VTCN1: variants seen among roughly 807,000 people sequenced by gnomAD.
VTCN1 encodes the protein V-set domain-containing T-cell activation inhibitor 1.
In VTCN1, 26 loss-of-function variants were observed where a neutral mutation model predicts 26.5. The ratio of observed to expected loss-of-function variants is 0.98; its 90% CI spans 0.72 to 1.36. VTCN1 has a LOEUF of 1.36. VTCN1 is among the 40% of genes most tolerant of loss of function. The pLI, the probability that VTCN1 is intolerant of heterozygous loss-of-function variation, is 0.00. For missense variants in VTCN1, 298 were observed against 337.7 expected, an observed-to-expected ratio of 0.88 and a Z score of 0.92; for synonymous variants, 116 against 130.7, an observed-to-expected ratio of 0.89 and a Z score of 0.77.
chr1:117,154,171 A>C (rs1348208774), intron 3 of VTCN1, among the ~76,000 whole-genome samples: 4 of 152,222 alleles, frequency 2.6e-5, no homozygotes, highest in Non-Finnish European at 5.9e-5. Flanking sequence ...GTTCTCTAGC[A>C]GGGGAGACAA....
In VTCN1 at chr1:117,169,932, A is replaced by T. The variant is rs146214170; in HGVS notation, c.97+175T>A. 2.6e-5 allele frequency among the ~76,000 whole-genome samples: 4 copies of T among 152,272 alleles called. No individual in the cohort carries two copies. Among genetic ancestry groups the T allele is most frequent in the Admixed American group, 2.6e-4 (4 of 15,298 alleles). On this transcript the variant is annotated intron_variant, in intron 2 of 5. Coordinates refer to ENST00000369458, the MANE Select transcript of VTCN1 (RefSeq NM_024626.4). The surrounding 1 kb of genome is among the most constrained non-coding windows in gnomAD (Gnocchi z 4.0). ...TAAATAATAAAAAATGAGGACACTG[A>T]AGTCGAGGACTTAACTGACTAATGT...
rs958981957 is a variant in VTCN1 at position 117,147,503 on chromosome 1, G to T, written c.*45+110C>A. 7 of 880,186 alleles carry T rather than the reference G, an allele frequency of 8.0e-6. No homozygotes were observed. The highest frequency in any genetic ancestry group is 1.0e-5 in the Non-Finnish European group (6 of 596,158). The allele number at this position is 880,186 out of a possible 1,614,324, so 54.5% of individuals were successfully genotyped here. On this transcript the variant is annotated intron_variant, in intron 5 of 5. Coordinates refer to ENST00000369458, the MANE Select transcript of VTCN1 (RefSeq NM_024626.4). This position sits in a 1 kb window ranked among gnomAD's most constrained non-coding sequence, Gnocchi z 4.6. The stretch of plus-strand genomic sequence containing the variant: ...TAGTGGAAATAATGTCACAGCCCTG[G>T]TGTCATTAAATGTTTCTTTCTGTGG...
At chr1:117,173,195 C>A (rs77457286) in intron 1 of VTCN1, 34,726 of 716,256 alleles carry the variant, frequency 0.048, 1,081 homozygotes, top group South Asian at 0.083. Flanking sequence ...ACCGCGAGGT[C>A]AGCGGCTTCA....
At chr1:117,194,859 G>A (rs1038681588) in intron 1 of VTCN1, among the ~76,000 whole-genome samples, 5 of 152,180 alleles carry the variant, frequency 3.3e-5, no homozygotes, top group African/African-American at 1.2e-4. Flanking sequence ...TGGTTGCCAG[G>A]GGATAGGGGT....
chr1:117,210,729 G>T, intron 1 of VTCN1, 95 bp downstream of exon 1: 2 of 1,314,266 alleles, frequency 1.5e-6, no homozygotes, highest in African/African-American at 1.5e-5. Context: ...TTACAGGTGG[G>T]GTCCTATGGG....
intron 2 of VTCN1, among the ~76,000 whole-genome samples, chr1:117,163,562 T>A (rs1652474427): frequency 6.6e-6 from 1 of 152,200 alleles, no homozygotes. Flanking sequence ...GAGACTCATT[T>A]TAAGCCATGA....
intron 4 of VTCN1, 93 bp downstream of exon 4, chr1:117,152,998 G>C: frequency 7.1e-7 from 1 of 1,412,670 alleles, no homozygotes; most frequent in South Asian, 1.4e-5. Flanking sequence ...AGAGATTTTT[G>C]TGCCTTGGTA....
At chr1:117,208,661 C>T (rs574912911) in intron 1 of VTCN1, among the ~76,000 whole-genome samples, 1 of 152,314 alleles carries the variant, frequency 6.6e-6, no homozygotes, top group South Asian at 2.1e-4. Context: ...TGAGCGAATG[C>T]TGCTGCTGTC....
At chr1:117,197,541 T>G (rs908043076) in intron 1 of VTCN1, among the ~76,000 whole-genome samples, 2 of 152,156 alleles carry the variant, frequency 1.3e-5, no homozygotes, top group African/African-American at 4.8e-5. Context: ...TTTGAACCTT[T>G]ACTTCATCCT....
At chr1:117,170,272 A>G in intron 1 of VTCN1, 101 bp from the exon 2 acceptor site, 1 of 1,130,016 alleles carries the variant, frequency 8.8e-7, no homozygotes, top group Non-Finnish European at 1.3e-6. Flanking sequence ...GATGAGTTAC[A>G]TAAAGCATCT....
intron 1 of VTCN1, among the ~76,000 whole-genome samples, chr1:117,192,900 T>A (rs750564431): frequency 6.6e-6 from 1 of 152,150 alleles, no homozygotes; most frequent in Non-Finnish European, 1.5e-5. Context: ...AAATAGTAAG[T>A]ACAGTTAGCC....
chr1:117,202,105 G>A (rs544796315), intron 1 of VTCN1, among the ~76,000 whole-genome samples: 3 of 152,118 alleles, frequency 2.0e-5, no homozygotes, highest in African/African-American at 4.8e-5. Flanking sequence ...ATCATGCCTC[G>A]TAAGACTTTA....
At chr1:117,162,013 C>A (rs982000438) in intron 2 of VTCN1, among the ~76,000 whole-genome samples, 1 of 152,092 alleles carries the variant, frequency 6.6e-6, no homozygotes, top group East Asian at 1.9e-4. Flanking sequence ...TTAGGGAATC[C>A]GTTGAAATAT....
chr1:117,146,664 G>C lies in VTCN1; in HGVS notation c.*45+949C>G, dbSNP rs150545177. On this transcript the variant is annotated intron_variant, in intron 5 of 5. Coordinates refer to ENST00000369458, the MANE Select transcript of VTCN1 (RefSeq NM_024626.4). This position sits in a 1 kb window ranked among gnomAD's most constrained non-coding sequence, Gnocchi z 4.2. ...CAAGACCAGAAAGTAATGGTAGTTAGCAGGTAGTGGTAGGCAGCAGTAGTG... is the reference window on the plus strand; with the variant it reads ...CAAGACCAGAAAGTAATGGTAGTTACCAGGTAGTGGTAGGCAGCAGTAGTG... 6.6e-5 allele frequency among the ~76,000 whole-genome samples: 10 copies of C among 152,286 alleles called. No individual in the cohort carries two copies. The East Asian group carries it at 1.9e-3, about 29-fold the overall frequency.
rs1652017462 is a variant in VTCN1 at position 117,155,334 on chromosome 1, A to G, written c.445+1240T>C. On this transcript the variant is annotated intron_variant, in intron 3 of 5. Transcript: ENST00000369458. This position sits in a 1 kb window ranked among gnomAD's most constrained non-coding sequence, Gnocchi z 4.8. ...ATTTCTTTGGAAGCTGGACTTCACT[A>G]AGTCCAATATACCCTGAGTGGGATA... Among the ~76,000 whole-genome samples the G allele has an allele frequency of 6.6e-6, 1 of 152,158 alleles. No homozygotes were observed. The highest frequency in any genetic ancestry group is 2.1e-4 in the South Asian group (1 of 4,830).
intron 1 of VTCN1, among the ~76,000 whole-genome samples, chr1:117,172,673 C>A (rs1008468498): frequency 2.3e-4 from 35 of 152,276 alleles, no homozygotes; most frequent in African/African-American, 8.4e-4. Context: ...AAGTCCTAAC[C>A]CCAAGTACCT....
intron 4 of VTCN1, among the ~76,000 whole-genome samples, chr1:117,151,685 T>C (rs778714689): frequency 5.3e-5 from 8 of 152,164 alleles, no homozygotes; most frequent in Non-Finnish European, 1.2e-4. Flanking sequence ...GACAGAAAAG[T>C]TCTCCAAGTC....
rs1486118204 is a variant in VTCN1 at position 117,172,719 on chromosome 1, G to A, written c.33-2548C>T. On this transcript the variant is annotated intron_variant, in intron 1 of 5. Transcript: ENST00000369458. ...CTTTACTTACTAATGGGGTCATTGT[G>A]AGAGGTGAAGCCAGCTGGACTTCCT... Among the ~76,000 whole-genome samples the A allele has an allele frequency of 1.8e-4, 27 of 151,734 alleles. 1 individual carries two copies. The highest frequency in any genetic ancestry group is 1.8e-3 in the Admixed American group (27 of 15,232).
intron 1 of VTCN1, among the ~76,000 whole-genome samples, chr1:117,177,084 G>C (rs1417230469): frequency 6.6e-6 from 1 of 152,048 alleles, no homozygotes; most frequent in Admixed American, 6.6e-5. Flanking sequence ...GGGCAACAGA[G>C]CAAGACTCCA....
Sources: gnomAD v4.1 joint callset for allele counts (sites outside exome capture counted in the v4.1 genomes callset) on GRCh38, gnomAD v4.1.1 for gene constraint, Gnocchi (gnomAD v3.1) non-coding constraint, MANE v1.5 for transcripts, NCBI Gene and HGNC (gene_info 2026-07-23, HGNC 2026-07-21) for gene names.